Variants in KCNMB2 observed in about 807,000 individuals in gnomAD.
KCNMB2 encodes the protein potassium calcium-activated channel subfamily M regulatory beta subunit 2, also known as calcium-activated potassium channel subunit beta-2.
Under a neutral mutation model 24.5 loss-of-function variants are expected in KCNMB2, and 9 were observed. That is an observed-to-expected ratio of 0.37 (90% CI 0.22 to 0.64). The LOEUF is 0.64. Ranked by LOEUF, KCNMB2 falls within the 30% of genes least tolerant of loss-of-function variation. KCNMB2 has a pLI of 0.63. For missense variants in KCNMB2, 226 were observed against 284.3 expected, an observed-to-expected ratio of 0.79 and a Z score of 1.47; for synonymous variants, 109 against 104.4, an observed-to-expected ratio of 1.04 and a Z score of -0.27.
At chr3:178,663,271 C>T (rs963581862) in intron 1 of KCNMB2, among the ~76,000 whole-genome samples, 3 of 151,992 alleles carry the variant, frequency 2.0e-5, no homozygotes, top group African/African-American at 7.2e-5. Context: ...GTGGAGAGAG[C>T]TCAACAAGGG....
chr3:178,634,731 A>G (rs1268928999), intron 1 of KCNMB2, among the ~76,000 whole-genome samples: 4 of 152,188 alleles, frequency 2.6e-5, no homozygotes, highest in African/African-American at 9.6e-5. Context: ...AACAGCTGCC[A>G]TCTTTCTGAT....
intron 2 of KCNMB2, among the ~76,000 whole-genome samples, chr3:178,813,632 G>A (rs971790393): frequency 6.6e-6 from 1 of 152,034 alleles, no homozygotes; most frequent in African/African-American, 2.4e-5. Context: ...CTATTGGCAG[G>A]AACTTTCAGG....
At chr3:178,579,131 A>G (rs372380243) in intron 1 of KCNMB2, among the ~76,000 whole-genome samples, 9 of 152,200 alleles carry the variant, frequency 5.9e-5, no homozygotes, top group African/African-American at 1.9e-4. Context: ...GAAGTAAAAC[A>G]CTCCTCAGCA....
chr3:178,656,891 A>AG (rs1220826692), intron 1 of KCNMB2, among the ~76,000 whole-genome samples: 1 of 152,086 alleles, frequency 6.6e-6, no homozygotes, highest in African/African-American at 2.4e-5. Context: ...GGGGCGGGGT[A>AG]GGGGGGTGGT....
chr3:178,620,771 C>A (rs1718881820), intron 1 of KCNMB2, among the ~76,000 whole-genome samples: 1 of 152,298 alleles, frequency 6.6e-6, no homozygotes, highest in Non-Finnish European at 1.5e-5. Context: ...GATCTAACTC[C>A]TGGCAATAAG....
intron 1 of KCNMB2, among the ~76,000 whole-genome samples, chr3:178,654,838 T>C (rs756852531): frequency 2.6e-4 from 39 of 152,182 alleles, no homozygotes; most frequent in Non-Finnish European, 5.3e-4. Flanking sequence ...GGGAGTAAGC[T>C]CTACGGTCAG....
At chr3:178,717,575 T>C (rs1205746083) in intron 1 of KCNMB2, among the ~76,000 whole-genome samples, 2 of 152,122 alleles carry the variant, frequency 1.3e-5, no homozygotes, top group Admixed American at 6.6e-5. Flanking sequence ...TTAAACACCC[T>C]TTCTGTTCAC....
At chr3:178,621,943 T>C (rs571363503) in intron 1 of KCNMB2, among the ~76,000 whole-genome samples, 2 of 152,256 alleles carry the variant, frequency 1.3e-5, no homozygotes, top group African/African-American at 2.4e-5. Context: ...GACAGACTAA[T>C]TGGGTTATGA....
At chr3:178,817,221 A>G (rs1217658603) in intron 2 of KCNMB2, among the ~76,000 whole-genome samples, 1 of 149,920 alleles carries the variant, frequency 6.7e-6, no homozygotes, top group Non-Finnish European at 1.5e-5. Flanking sequence ...AATGACATAT[A>G]TATATAAATG....
chr3:178,801,836 G>A (rs1327144277), intron 1 of KCNMB2: 1 of 152,226 alleles, frequency 6.6e-6, no homozygotes, highest in Non-Finnish European at 1.5e-5. Context: ...CTGGTCTGGT[G>A]TAGTACAAAT....
chr3:178,780,331 G>T (rs1156903293), intron 1 of KCNMB2, among the ~76,000 whole-genome samples: 1 of 152,166 alleles, frequency 6.6e-6, no homozygotes, highest in East Asian at 1.9e-4. Flanking sequence ...AACAATGCTG[G>T]CATTTTCTCC....
intron 1 of KCNMB2, among the ~76,000 whole-genome samples, chr3:178,542,419 G>T (rs1428679748): frequency 6.6e-6 from 1 of 152,122 alleles, no homozygotes; most frequent in African/African-American, 2.4e-5. Flanking sequence ...CATTACTATT[G>T]TTATTTAATC....
intron 1 of KCNMB2, among the ~76,000 whole-genome samples, chr3:178,557,153 A>G (rs1236193588): frequency 6.6e-6 from 1 of 152,192 alleles, no homozygotes; most frequent in Non-Finnish European, 1.5e-5. Context: ...GACCCTTATT[A>G]TAATACTAAC....
chr3:178,571,045 C>T (rs112805044), intron 1 of KCNMB2, among the ~76,000 whole-genome samples: 2,457 of 152,204 alleles, frequency 0.016, 33 homozygotes, highest in Non-Finnish European at 0.026. Context: ...ACTGTTTCCA[C>T]GATGTCACAG....
chr3:178,658,149 G>A (rs1056007173), intron 1 of KCNMB2, among the ~76,000 whole-genome samples: 1 of 152,200 alleles, frequency 6.6e-6, no homozygotes, highest in Admixed American at 6.5e-5. Flanking sequence ...GTCCAGGGAA[G>A]AGAAATAAGG....
At chr3:178,811,068 A>G (rs1316797674) in intron 2 of KCNMB2, among the ~76,000 whole-genome samples, 1 of 152,038 alleles carries the variant, frequency 6.6e-6, no homozygotes, top group Non-Finnish European at 1.5e-5. Context: ...CTAAATTTCA[A>G]GCAGCAAACA....
intron 1 of KCNMB2, among the ~76,000 whole-genome samples, chr3:178,562,850 C>T (rs377460555): frequency 6.6e-6 from 1 of 152,134 alleles, no homozygotes; most frequent in South Asian, 2.1e-4. Context: ...TGAGTGAAAG[C>T]GGGACAAAGA....
chr3:178,602,795 G>A (rs1329521475), intron 1 of KCNMB2, among the ~76,000 whole-genome samples: 1 of 152,164 alleles, frequency 6.6e-6, no homozygotes, highest in African/African-American at 2.4e-5. Context: ...GGGAGGGTAG[G>A]ACAGACAGCT....
chr3:178,569,477 A>G (rs1716692356), intron 1 of KCNMB2, among the ~76,000 whole-genome samples: 1 of 152,190 alleles, frequency 6.6e-6, no homozygotes, highest in East Asian at 1.9e-4. Flanking sequence ...AGAAGAAACA[A>G]AATAATAGAT....
Sources: gnomAD v4.1 joint callset for allele counts (sites outside exome capture counted in the v4.1 genomes callset) on GRCh38, gnomAD v4.1.1 for gene constraint, MANE v1.5 for transcripts, NCBI Gene and HGNC (gene_info 2026-07-23, HGNC 2026-07-21) for gene names.